Variants in ITPR2 observed in about 807,000 individuals in gnomAD.
ITPR2 encodes inositol 1,4,5-trisphosphate-gated calcium channel ITPR2.
ITPR2 carries 207 observed loss-of-function variants against 317.1 expected under a neutral mutation model. That is an observed-to-expected ratio of 0.65 (90% CI 0.58 to 0.73). ITPR2 has a LOEUF of 0.73. ITPR2 is among the 30% of genes least tolerant of loss of function. The pLI is 0.00. For missense variants in ITPR2, 2,613 were observed against 3,284.0 expected, an observed-to-expected ratio of 0.80 and a Z score of 4.99; for synonymous variants, 1,156 against 1,149.1, an observed-to-expected ratio of 1.01 and a Z score of -0.12.
intron 2 of ITPR2, among the ~76,000 whole-genome samples, chr12:26,769,025 A>ACC (rs869169911): frequency 9.3e-5 from 14 of 149,922 alleles, no homozygotes; most frequent in African/African-American, 3.5e-4. Flanking sequence ...ACACACACAC[A>ACC]CCCCAATCTC....
chr12:26,463,500 T>C (rs73085217), intron 45 of ITPR2, among the ~76,000 whole-genome samples: 14,314 of 151,976 alleles, frequency 0.094, 935 homozygotes, highest in Non-Finnish European at 0.15. Flanking sequence ...AACCCGTCTC[T>C]ACTAAAAACA....
Position 26,427,942 on chromosome 12 carries a change from G to T in ITPR2, c.6916C>A (p.Pro2306Thr). 1 of 1,605,102 alleles carries T rather than the reference G, an allele frequency of 6.2e-7. No homozygotes were observed. The highest frequency in any genetic ancestry group is 8.5e-7 in the Non-Finnish European group (1 of 1,175,930). The change falls in exon 49 of 57, where the codon CCT becomes ACT. Residue 2306 changes from proline to threonine, a missense_variant. Physicochemically the swap from Pro to Thr is conservative, Grantham distance 38 (BLOSUM62 -1). This residue lies in a region of ITPR2 where 78 missense variants were observed against 110.3 expected (regional missense o/e 0.71). Coordinates refer to ENST00000381340, the MANE Select transcript of ITPR2 (RefSeq NM_002223.4). ...LRSIYTIGLGPTLILLGAANL... is the reference protein window; with the variant it reads ...LRSIYTIGLGTTLILLGAANL... ...GCTGCACCAAGAAGTATTAATGTAG[G>T]CCCAAGACCTATTGTATATATTGAT... is the stretch of plus-strand genomic sequence containing the variant.
intron 37 of ITPR2, among the ~76,000 whole-genome samples, chr12:26,521,346 A>G (rs570923094): frequency 2.6e-5 from 4 of 152,220 alleles, no homozygotes; most frequent in Non-Finnish European, 5.9e-5. Flanking sequence ...GTAAAATTTA[A>G]GATAAAAATA....
intron 37 of ITPR2, among the ~76,000 whole-genome samples, chr12:26,522,656 T>C (rs567440966): frequency 6.6e-6 from 1 of 152,208 alleles, no homozygotes; most frequent in African/African-American, 2.4e-5. Context: ...GGAAAGTACA[T>C]GTGCAAGTTA....
At chr12:26,654,729 G>A (rs1461528050) in intron 20 of ITPR2, among the ~76,000 whole-genome samples, 1 of 152,068 alleles carries the variant, frequency 6.6e-6, no homozygotes, top group African/African-American at 2.4e-5. Context: ...TTGCTCTGAG[G>A]AAGCCAGGTA....
At chr12:26,546,503 C>T (rs1944393340) in intron 37 of ITPR2, among the ~76,000 whole-genome samples, 1 of 152,156 alleles carries the variant, frequency 6.6e-6, no homozygotes, top group South Asian at 2.1e-4. Context: ...TTCCATGCAG[C>T]ATCCACGTTG....
At chr12:26,572,010 A>G (rs1281616749) in intron 34 of ITPR2, among the ~76,000 whole-genome samples, 1 of 152,244 alleles carries the variant, frequency 6.6e-6, no homozygotes, top group Non-Finnish European at 1.5e-5. Flanking sequence ...TGTGTTTACC[A>G]ACTTGGAAAT....
intron 2 of ITPR2, among the ~76,000 whole-genome samples, chr12:26,747,593 T>C (rs935192538): frequency 3.9e-5 from 6 of 152,222 alleles, no homozygotes; most frequent in African/African-American, 1.4e-4. Flanking sequence ...TGTCTCTTGT[T>C]CTGTTTTTAC....
intron 1 of ITPR2, among the ~76,000 whole-genome samples, chr12:26,796,420 C>A (rs1950444403): frequency 6.6e-6 from 1 of 152,160 alleles, no homozygotes; most frequent in Non-Finnish European, 1.5e-5. Context: ...ACTACATATC[C>A]AACAAATTGG....
chr12:26,372,895 G>GC (rs1217348627), intron 55 of ITPR2, among the ~76,000 whole-genome samples: 2 of 152,072 alleles, frequency 1.3e-5, no homozygotes, highest in Non-Finnish European at 2.9e-5. Context: ...GCCTCCCACT[G>GC]CCCCCCGACC....
intron 30 of ITPR2, 59 bp from the exon 31 acceptor site, chr12:26,597,193 T>C: frequency 6.3e-7 from 1 of 1,575,510 alleles, no homozygotes; most frequent in Non-Finnish European, 8.7e-7. Context: ...TGCAGTTATT[T>C]CCAAAGGCTT....
At chr12:26,772,933 T>C (rs1025943651) in intron 2 of ITPR2, among the ~76,000 whole-genome samples, 13 of 152,138 alleles carry the variant, frequency 8.5e-5, no homozygotes, top group Admixed American at 2.6e-4. Context: ...GGCCCCAGTA[T>C]GTGATTTTCC....
chr12:26,718,211 C>A (rs1203573099), intron 5 of ITPR2, among the ~76,000 whole-genome samples: 6 of 152,144 alleles, frequency 3.9e-5, no homozygotes, highest in African/African-American at 1.4e-4. Flanking sequence ...TCACCCCCCA[C>A]CCCCTGACAG....
At chr12:26,790,319 A>C in intron 1 of ITPR2, 92 bp from the exon 2 acceptor site, 1 of 961,138 alleles carries the variant, frequency 1.0e-6, no homozygotes, top group Non-Finnish European at 1.6e-6. Context: ...ATTTACCAAA[A>C]GTTTTAATAC....
At chr12:26,423,480 T>C (rs1940955424) in intron 49 of ITPR2, among the ~76,000 whole-genome samples, 1 of 152,160 alleles carries the variant, frequency 6.6e-6, no homozygotes, top group African/African-American at 2.4e-5. Flanking sequence ...CATTTCCAGG[T>C]ACTATTAGAA....
intron 46 of ITPR2, among the ~76,000 whole-genome samples, chr12:26,443,199 T>C (rs1174504517): frequency 1.3e-5 from 2 of 152,298 alleles, no homozygotes; most frequent in East Asian, 3.9e-4. Context: ...CTTTCCACAA[T>C]TTTAAAAAAG....
In ITPR2 at chr12:26,662,563, C is replaced by A. The variant is rs1947526237; in HGVS notation, c.1713+1122G>T. ...ATGAAACTTACAGTGATGCACTCTG[C>A]CCTCAAATGGATTAAGAGAAACCCT... On this transcript the variant is annotated intron_variant, in intron 15 of 56. Transcript: ENST00000381340. 2.6e-5 allele frequency among the ~76,000 whole-genome samples: 4 copies of A among 152,150 alleles called. No homozygotes were observed. The South Asian group carries it at 8.3e-4, about 32-fold the overall frequency.
At chr12:26,742,712 G>A (rs1469750966) in intron 2 of ITPR2, among the ~76,000 whole-genome samples, 1 of 151,942 alleles carries the variant, frequency 6.6e-6, no homozygotes, top group African/African-American at 2.4e-5. Flanking sequence ...TACTCAGGAG[G>A]CTGAGTCAGG....
rs1397466296 is a variant in ITPR2 at position 26,594,516 on chromosome 12, C to A, written c.4380+949G>T. On this transcript the variant is annotated intron_variant, in intron 32 of 56. Coordinates refer to ENST00000381340, the MANE Select transcript of ITPR2 (RefSeq NM_002223.4). Reference sequence around the variant, plus strand: ...GAAAATATGGACTTCACTAATCTTTCTCCTCCAAATACATCTATATAAGGC... The same window carrying A: ...GAAAATATGGACTTCACTAATCTTTATCCTCCAAATACATCTATATAAGGC... Among the ~76,000 whole-genome samples the A allele has an allele frequency of 2.0e-5, 3 of 152,018 alleles. No homozygotes were observed. The East Asian group carries it at 5.8e-4, about 29-fold the overall frequency.
Sources: gnomAD v4.1 joint callset for allele counts (sites outside exome capture counted in the v4.1 genomes callset) on GRCh38, gnomAD v4.1.1 for gene constraint, gnomAD v4.1.1 regional missense constraint, MANE v1.5 for transcripts, NCBI Gene and HGNC (gene_info 2026-07-23, HGNC 2026-07-21) for gene names.